The following SCUBE3 variants were observed in gnomAD, a reference collection of about 807,000 sequenced individuals.
SCUBE3 encodes the protein signal peptide, CUB and EGF-like domain-containing protein 3.
Under a neutral mutation model 116.8 loss-of-function variants are expected in SCUBE3, and 33 were observed. The observed-to-expected ratio is 0.28, with a 90% confidence interval of 0.21 to 0.38. SCUBE3 has a LOEUF of 0.38. SCUBE3 is among the 10% of genes least tolerant of loss of function. The pLI, the probability that SCUBE3 is intolerant of heterozygous loss-of-function variation, is 1.00. For synonymous variants in SCUBE3, 418 were observed against 496.9 expected, an observed-to-expected ratio of 0.84 and a Z score of 2.11; for missense variants, 1,007 against 1,324.8, an observed-to-expected ratio of 0.76 and a Z score of 3.72.
In SCUBE3 at chr6:35,245,495, A is replaced by C; in HGVS notation, c.2599+70A>C. 7.8e-7 allele frequency: 1 copy of C among 1,279,490 alleles called. No individual in the cohort carries two copies. The highest frequency in any genetic ancestry group is 2.3e-5 in the East Asian group (1 of 43,196). The allele number at this position is 1,279,490 out of a possible 1,614,324, so 79.3% of individuals were successfully genotyped here. The stretch of plus-strand genomic sequence containing the variant: ...TGGTTAAGGCGGAGAACAAAGAGAG[A>C]GACTGATACAGGAAGAAATGGGGCA... On this transcript the variant is annotated intron_variant, in intron 19 of 21. Transcript: ENST00000274938. This position sits in a 1 kb window ranked among gnomAD's most constrained non-coding sequence, Gnocchi z 4.2.
chr6:35,219,027 C>G lies in SCUBE3; in HGVS notation c.85+4524C>G, dbSNP rs1029040274. 7.2e-5 allele frequency among the ~76,000 whole-genome samples: 11 copies of G among 152,138 alleles called. No individual in the cohort carries two copies. Among genetic ancestry groups the G allele is most frequent in the Admixed American group, 2.6e-4 (4 of 15,266 alleles). ...CTGAAGGCAGAAGGCGCCGGGCCTC[C>G]ACAGGTTACTCACCCAAATCTCAGG... On this transcript the variant is annotated intron_variant, in intron 1 of 21. Coordinates refer to ENST00000274938, the MANE Select transcript of SCUBE3 (RefSeq NM_152753.4). The surrounding 1 kb of genome is among the most constrained non-coding windows in gnomAD (Gnocchi z 4.7).
rs1218189909 is a variant in SCUBE3 at position 35,214,843 on chromosome 6, C to G, written c.85+340C>G. On this transcript the variant is annotated intron_variant, in intron 1 of 21. Coordinates refer to ENST00000274938, the MANE Select transcript of SCUBE3 (RefSeq NM_152753.4). This position sits in a 1 kb window ranked among gnomAD's most constrained non-coding sequence, Gnocchi z 6.3. ...TCTGAGAGAGAATTTTCTCTTCTCTCAAACATTGCCAGAAACTTACGCTGT... is the reference window on the plus strand; with the variant it reads ...TCTGAGAGAGAATTTTCTCTTCTCTGAAACATTGCCAGAAACTTACGCTGT... Among the ~76,000 whole-genome samples, 2 of 152,220 alleles carry G rather than the reference C, an allele frequency of 1.3e-5. No individual in the cohort carries two copies. The highest frequency in any genetic ancestry group is 2.4e-5 in the African/African-American group (1 of 41,460).
At chr6:35,221,731 AAGCTC>A (rs1444788225) in intron 1 of SCUBE3, 1 of 152,230 alleles carries the variant, frequency 6.6e-6, no homozygotes, top group East Asian at 1.9e-4. Context: ...CCATGGCCTC[AAGCTC>A]CTACTGCTTC....
At chr6:35,224,660 T>C (rs982169148) in intron 1 of SCUBE3, 4 of 117,180 alleles carry the variant, frequency 3.4e-5, no homozygotes, top group African/African-American at 1.1e-4. Flanking sequence ...AAAAAAAGAA[T>C]CTGCTGGGAG....
rs4713843 is a variant in SCUBE3, at chr6:35,235,968, T to C, written c.713-1934T>C. 0.93 allele frequency among the ~76,000 whole-genome samples: 140,964 copies of C among 152,232 alleles called. 65,392 individuals are homozygous for C. Among genetic ancestry groups the C allele is most frequent in the East Asian group, 0.99 (5,136 of 5,164 alleles). On this transcript the variant is annotated intron_variant, in intron 6 of 21. Transcript: ENST00000274938. The surrounding 1 kb of genome is among the most constrained non-coding windows in gnomAD (Gnocchi z 4.5). ...CCCAGCATCACTCACCATTCTCTCC[T>C]ACCGTAATGGCTAAGAGCATGGCAT...
intron 21 of SCUBE3, 66 bp downstream of exon 21, chr6:35,246,351 G>T: frequency 8.8e-7 from 1 of 1,137,842 alleles, no homozygotes; most frequent in South Asian, 1.3e-5. Flanking sequence ...ATAGGCAATA[G>T]GCTAAGTGCT....
chr6:35,214,156 C>T lies in SCUBE3; in HGVS notation c.-263C>T, dbSNP rs1782788514. ...GCCGGCTTGGAGAGGGCGGGGGTTC[C>T]CCTCCGTCAGTCGCCCCTGGCGCCC... On this transcript the variant is annotated 5_prime_UTR_variant, in exon 1 of 22. Coordinates refer to ENST00000274938, the MANE Select transcript of SCUBE3 (RefSeq NM_152753.4). This position sits in a 1 kb window ranked among gnomAD's most constrained non-coding sequence, Gnocchi z 6.3. Among the ~76,000 whole-genome samples, 2 of 152,182 alleles carry T rather than the reference C, an allele frequency of 1.3e-5. No homozygotes were observed. The highest frequency in any genetic ancestry group is 4.8e-5 in the African/African-American group (2 of 41,470).
intron 3 of SCUBE3, among the ~76,000 whole-genome samples, chr6:35,230,613 A>G (rs2150296492): frequency 6.6e-6 from 1 of 152,292 alleles, no homozygotes; most frequent in Non-Finnish European, 1.5e-5. Context: ...AGGGATGGGG[A>G]GAAGTCAAGA....
In SCUBE3 at chr6:35,243,715, C is replaced by T; in HGVS notation, c.2031C>T (p.Ala677=). Residue 677 remains alanine, a synonymous_variant, in exon 16 of 22, where the codon GCC becomes GCT. Coordinates refer to ENST00000274938, the MANE Select transcript of SCUBE3 (RefSeq NM_152753.4). The surrounding 1 kb of genome is among the most constrained non-coding windows in gnomAD (Gnocchi z 6.6). ...LSCDLCPGSD[A]HGPLGATNVT... is the part of the protein sequence containing the mutation. The stretch of plus-strand genomic sequence containing the variant: ...GCGACCTTTGCCCTGGGAGTGATGC[C>T]CACGGGCCTCTTGGAGCCACCAACG... 1 of 1,614,118 alleles carries T rather than the reference C, an allele frequency of 6.2e-7. No homozygotes were observed. The highest frequency in any genetic ancestry group is 8.5e-7 in the Non-Finnish European group (1 of 1,179,992).
Position 35,218,142 on chromosome 6 carries a change from G to A in SCUBE3, c.85+3639G>A, listed in dbSNP as rs930708786. 15 of 985,204 alleles carry A rather than the reference G, an allele frequency of 1.5e-5. No homozygotes were observed. In the African/African-American group the frequency reaches 2.1e-4, roughly 14 times the overall value. The allele number at this position is 985,204 out of a possible 1,614,324, so 61.0% of individuals were successfully genotyped here. A position where few individuals can be genotyped will look rare whatever the true frequency, so the allele number is the denominator to read the frequency against. On this transcript the variant is annotated intron_variant, in intron 1 of 21. Coordinates refer to ENST00000274938, the MANE Select transcript of SCUBE3 (RefSeq NM_152753.4). ...AACCTTCAGGAATCTGAGAGCATGA[G>A]AACCGGTTTGAGATGTGAGCAGCTG...
At position 35,242,222 on chromosome 6, in the gene SCUBE3, T is replaced by C; in HGVS notation, c.1436T>C (p.Ile479Thr). The change falls in exon 13 of 22, where the codon ATT becomes ACT. Residue 479 changes from isoleucine to threonine, a missense_variant. Coordinates refer to ENST00000274938, the MANE Select transcript of SCUBE3 (RefSeq NM_152753.4). Reference protein sequence around the residue: ...NHCHEAAVLSIKQRASFKIKD... With the variant: ...NHCHEAAVLSTKQRASFKIKD... Reference sequence around the variant, plus strand: ...CCTCTAGAGGCTGCAGTGCTGTCCATTAAACAACGGGCCTCCTTCAAGATC... The same window carrying C: ...CCTCTAGAGGCTGCAGTGCTGTCCACTAAACAACGGGCCTCCTTCAAGATC... 1 of 1,613,634 alleles carries C rather than the reference T, an allele frequency of 6.2e-7. No homozygotes were observed. Among genetic ancestry groups the C allele is most frequent in the Non-Finnish European group, 8.5e-7 (1 of 1,179,576 alleles).
rs937982948 is a variant in SCUBE3 at position 35,232,605 on chromosome 6, C to T, written c.470-245C>T. On this transcript the variant is annotated intron_variant, in intron 4 of 21. Coordinates refer to ENST00000274938, the MANE Select transcript of SCUBE3 (RefSeq NM_152753.4). The surrounding 1 kb of genome is among the most constrained non-coding windows in gnomAD (Gnocchi z 4.2). ...TTGTTTAAAGGAAAGGGTGATCATT[C>T]GTTGGGATGAGTATCAATAGCTAGC... Among the ~76,000 whole-genome samples, 2 of 152,242 alleles carry T rather than the reference C, an allele frequency of 1.3e-5. No individual in the cohort carries two copies. The highest frequency in any genetic ancestry group is 2.4e-5 in the African/African-American group (1 of 41,540).
chr6:35,244,266 A>G lies in SCUBE3; in HGVS notation c.2239+136A>G. ...TGGGCCCAGCTACTTGACCAACCAT[A>G]CCATCCTGCTTCCAGGACCCACCCT... On this transcript the variant is annotated intron_variant, in intron 17 of 21. Coordinates refer to ENST00000274938, the MANE Select transcript of SCUBE3 (RefSeq NM_152753.4). The surrounding 1 kb of genome is among the most constrained non-coding windows in gnomAD (Gnocchi z 4.3). The G allele has an allele frequency of 1.4e-6, 1 of 736,966 alleles. No individual in the cohort carries two copies. The highest frequency in any genetic ancestry group is 2.2e-6 in the Non-Finnish European group (1 of 453,794). 45.7% of individuals were successfully genotyped at this position (736,966 alleles called of 1,614,324 possible).
At position 35,219,578 on chromosome 6, in the gene SCUBE3, G is replaced by A. The variant is rs143993765; in HGVS notation, c.85+5075G>A. Among the ~76,000 whole-genome samples the A allele has an allele frequency of 6.5e-3, 991 of 152,230 alleles. 7 individuals are homozygous for A. The highest frequency in any genetic ancestry group is 0.018 in the African/African-American group (730 of 41,516). Reference sequence around the variant, plus strand: ...AGGGGCTCTTCAGGTCTGGTCACTGGTGGTAACAAGCTGAGGAAAGACCTG... The same window carrying A: ...AGGGGCTCTTCAGGTCTGGTCACTGATGGTAACAAGCTGAGGAAAGACCTG... On this transcript the variant is annotated intron_variant, in intron 1 of 21. Coordinates refer to ENST00000274938, the MANE Select transcript of SCUBE3 (RefSeq NM_152753.4). This position sits in a 1 kb window ranked among gnomAD's most constrained non-coding sequence, Gnocchi z 4.7.
rs1444750151 is a variant in SCUBE3, at chr6:35,214,618, C to T, written c.85+115C>T. On this transcript the variant is annotated intron_variant, in intron 1 of 21. Coordinates refer to ENST00000274938, the MANE Select transcript of SCUBE3 (RefSeq NM_152753.4). This position sits in a 1 kb window ranked among gnomAD's most constrained non-coding sequence, Gnocchi z 6.3. Reference sequence around the variant, plus strand: ...TGGGGAGCGTGCTGCTGTCAGAACCCGGCTCTGTGCACCCGGACTCCCCGG... The same window carrying T: ...TGGGGAGCGTGCTGCTGTCAGAACCTGGCTCTGTGCACCCGGACTCCCCGG... 3 of 586,648 alleles carry T rather than the reference C, an allele frequency of 5.1e-6. No individual in the cohort carries two copies. Among genetic ancestry groups the T allele is most frequent in the Non-Finnish European group, 5.1e-6 (2 of 391,268 alleles). 36.3% of individuals were successfully genotyped at this position (586,648 alleles called of 1,614,324 possible). A position where few individuals can be genotyped will look rare whatever the true frequency, so the allele number is the denominator to read the frequency against.
At position 35,228,836 on chromosome 6, in the gene SCUBE3, C is replaced by G; in HGVS notation, c.334+97C>G. ...TCCCAGGGAAGGAGGAGAGAGTGATCAAGAAGAGCTACATTCACAAGAGAA... is the reference window on the plus strand; with the variant it reads ...TCCCAGGGAAGGAGGAGAGAGTGATGAAGAAGAGCTACATTCACAAGAGAA... On this transcript the variant is annotated intron_variant, in intron 3 of 21. Transcript: ENST00000274938. The surrounding 1 kb of genome is among the most constrained non-coding windows in gnomAD (Gnocchi z 4.9). The G allele has an allele frequency of 1.6e-6, 2 of 1,275,152 alleles. No homozygotes were observed. Among genetic ancestry groups the G allele is most frequent in the South Asian group, 2.5e-5 (2 of 78,682 alleles). 79.0% of individuals were successfully genotyped at this position (1,275,152 alleles called of 1,614,324 possible).
At chr6:35,226,479 C>CTTTTTTTTTTTTTTTTTTTTTTTTT (rs1562044702) in intron 1 of SCUBE3, among the ~76,000 whole-genome samples, 2 of 52,168 alleles carry the variant, frequency 3.8e-5, no homozygotes, top group African/African-American at 5.5e-5. Flanking sequence ...TTTTCTATGT[C>CTTTTTTTTTTTTTTTTTTTTTTTTT]CTTTTTTTTT....
rs1784597943 is a variant in SCUBE3 at position 35,252,771 on chromosome 6, G to A, written c.*4066G>A. ...TCAGCTTTTTTAGACACCACAGGTTGTAGCAGTTTGAACAAACTGAAAACT... is the reference window on the plus strand; with the variant it reads ...TCAGCTTTTTTAGACACCACAGGTTATAGCAGTTTGAACAAACTGAAAACT... On this transcript the variant is annotated 3_prime_UTR_variant, in exon 22 of 22. Coordinates refer to ENST00000274938, the MANE Select transcript of SCUBE3 (RefSeq NM_152753.4). 1 of 152,230 alleles carries A rather than the reference G, an allele frequency of 6.6e-6. No homozygotes were observed. Among genetic ancestry groups the A allele is most frequent in the Non-Finnish European group, 1.5e-5 (1 of 68,038 alleles). The allele number at this position is 152,230 out of a possible 1,614,324, so 9.4% of individuals were successfully genotyped here.
Position 35,244,193 on chromosome 6 carries a change from C to CA in SCUBE3, c.2239+65dup. On this transcript the variant is annotated intron_variant, in intron 17 of 21. Transcript: ENST00000274938. This position sits in a 1 kb window ranked among gnomAD's most constrained non-coding sequence, Gnocchi z 4.3. ...CCCCAACTACTCCCAAAAAACTCTC[C>CA]AATTTCCCAGAGGGGACACTGACCC... 1 of 1,448,828 alleles carries CA rather than the reference C, an allele frequency of 6.9e-7. No homozygotes were observed. Among genetic ancestry groups the CA allele is most frequent in the South Asian group, 1.3e-5 (1 of 79,976 alleles). 89.7% of individuals were successfully genotyped at this position (1,448,828 alleles called of 1,614,324 possible).
Sources: allele counts gnomAD v4.1 joint callset (sites outside exome capture counted in the v4.1 genomes callset), GRCh38; gene constraint gnomAD v4.1.1; non-coding constraint Gnocchi (gnomAD v3.1); transcripts MANE v1.5; gene names NCBI Gene and HGNC (gene_info 2026-07-23, HGNC 2026-07-21).